Variants in IPO4 observed in about 807,000 individuals in gnomAD.
IPO4 encodes the protein importin-4.
IPO4 carries 91 observed loss-of-function variants against 133.5 expected under a neutral mutation model. The ratio of observed to expected loss-of-function variants is 0.68; its 90% confidence interval spans 0.58 to 0.81. The LOEUF (loss-of-function observed/expected upper bound fraction) is 0.81, where lower values mean the gene tolerates loss of function less well. Among genes scored for constraint, IPO4 ranks in the 30% least tolerant of loss-of-function variants. IPO4 has a pLI of 0.00. For missense variants in IPO4, 1,279 were observed against 1,386.2 expected (o/e 0.92, Z 1.23); for synonymous variants, 607 against 581.6 (o/e 1.04, Z -0.63).
intron 9 of IPO4, 89 bp from the exon 10 acceptor site, chr14:24,186,540 G>A (rs752586068): frequency 1.4e-6 from 2 of 1,474,162 alleles, no homozygotes; most frequent in Non-Finnish European, 1.8e-6. Flanking sequence ...GCCATAAGGG[G>A]TCTGACAGAA....
intron 4 of IPO4, 133 bp downstream of exon 4, chr14:24,188,083 C>T (rs900496102): frequency 1.9e-5 from 19 of 982,190 alleles, no homozygotes; most frequent in Non-Finnish European, 2.6e-5. Context: ...TTCAAAACAG[C>T]CTTAAAATCC....
rs763654824 is a variant in IPO4, at chr14:24,186,797, C to T, written c.757-6G>A. 1.2e-6 allele frequency: 2 copies of T among 1,613,688 alleles called. No individual in the cohort carries two copies. Among genetic ancestry groups the T allele is most frequent in the Non-Finnish European group, 8.5e-7 (1 of 1,179,600 alleles). ...AGGGCCACATTTCTAGCTACCTGTC[C>T]ACAGAATAATAAAAATCAGCGACAG... On this transcript the variant is annotated splice_polypyrimidine_tract_variant and splice_region_variant and intron_variant, in intron 8 of 29. Transcript: ENST00000354464.
Position 24,180,408 on chromosome 14 carries a change from C to T in IPO4, c.*34G>A. On this transcript the variant is annotated 3_prime_UTR_variant, in exon 30 of 30. Coordinates refer to ENST00000354464, the MANE Select transcript of IPO4 (RefSeq NM_024658.4). ...GAGGTGGTCTTAAGGCCTGGGCAGG[C>T]TCTATTCTCTCTGGACTGGCTGCAG... 1 of 1,594,118 alleles carries T rather than the reference C, an allele frequency of 6.3e-7. No homozygotes were observed. Among genetic ancestry groups the T allele is most frequent in the Non-Finnish European group, 8.6e-7 (1 of 1,166,432 alleles).
At chr14:24,183,972 G>GCC in intron 18 of IPO4, 26 bp downstream of exon 18, 1 of 1,573,306 alleles carries the variant, frequency 6.4e-7, no homozygotes, top group Non-Finnish European at 8.6e-7. Context: ...GGCAGGCCTG[G>GCC]CCCAGCCCAC....
At position 24,181,496 on chromosome 14, in the gene IPO4, G is replaced by A. The variant is rs2039135644; in HGVS notation, c.3045+17C>T. 1.3e-6 allele frequency: 2 copies of A among 1,549,476 alleles called. No individual in the cohort carries two copies. Among genetic ancestry groups the A allele is most frequent in the African/African-American group, 1.4e-5 (1 of 73,084 alleles). ...AGCGGCACGTTCCCCTCTGAGGGCT[G>A]CCAGCAGCAAGGTTACCTGGTCAGG... On this transcript the variant is annotated intron_variant, in intron 28 of 29. Coordinates refer to ENST00000354464, the MANE Select transcript of IPO4 (RefSeq NM_024658.4).
At position 24,186,963 on chromosome 14, in the gene IPO4, G is replaced by A. The variant is rs758287851; in HGVS notation, c.671C>T (p.Ala224Val). Residue 224 changes from alanine (A) to valine (V), a missense_variant, in exon 8 of 30, where the codon GCC (alanine) becomes GTC (valine). Around this residue, in one of 3 missense-constraint regions of IPO4, gnomAD observed 695 missense variants for 704.1 expected, o/e 0.99. Coordinates refer to ENST00000354464, the MANE Select transcript of IPO4 (RefSeq NM_024658.4). ...CAACAGTTCATCCAAAGCCTCAAGG[G>A]CCTCACAGGCCTTTGCCTGACAGAC... is the stretch of plus-strand genomic sequence containing the variant. ...IPIDEAKACE[A>V]LEALDELLES... 6.2e-7 allele frequency: 1 copy of A among 1,614,088 alleles called. No homozygotes were observed. Among genetic ancestry groups the A allele is most frequent in the Non-Finnish European group, 8.5e-7 (1 of 1,179,986 alleles).
At position 24,185,470 on chromosome 14, in the gene IPO4, C is replaced by G; in HGVS notation, c.1267G>C (p.Glu423Gln). 6.2e-7 allele frequency: 1 copy of G among 1,614,200 alleles called. No homozygotes were observed. Among genetic ancestry groups the G allele is most frequent in the Non-Finnish European group, 8.5e-7 (1 of 1,180,020 alleles). Residue 423 changes from glutamate to glutamine, a missense_variant, in exon 13 of 30, where the codon GAA becomes CAA. By Grantham distance (29) the Glu-to-Gln change is conservative (BLOSUM62 2). Coordinates refer to ENST00000354464, the MANE Select transcript of IPO4 (RefSeq NM_024658.4). ...AALFALGQFS[E>Q]NLQPHISSYS... The stretch of plus-strand genomic sequence containing the variant: ...TCAGCCTGGTTCACCTGTAGGTTTT[C>G]TGAGAACTGGCCCAGGGCAAACAGC...
In IPO4 at chr14:24,182,023, G is replaced by A. The variant is rs370552321; in HGVS notation, c.2739C>T (p.Pro913=). The A allele has an allele frequency of 1.7e-4, 269 of 1,613,400 alleles. No homozygotes were observed. The Middle Eastern group carries it at 2.6e-3, about 16-fold the overall frequency. ...VLLSTAQEAD[P]EVRSNAIFGM... is the part of the protein sequence containing the mutation. ...CGAAGATGGCATTGCTTCGCACCTC[G>A]GGGTCTGCCTCTTGGGCGGTGCTCA... is the stretch of plus-strand genomic sequence containing the variant. Residue 913 remains proline, a synonymous_variant, in exon 26 of 30, where the codon CCC becomes CCT. Transcript: ENST00000354464.
chr14:24,188,193 G>C (rs777175617), intron 4 of IPO4, 23 bp downstream of exon 4: 1 of 1,610,244 alleles, frequency 6.2e-7, no homozygotes, highest in South Asian at 1.1e-5. Context: ...TCAAGATCCC[G>C]AGAGAAGTGG....
At chr14:24,185,995 T>C (rs777342441) in intron 11 of IPO4, 25 bp from the exon 12 acceptor site, 3 of 1,607,826 alleles carry the variant, frequency 1.9e-6, no homozygotes, top group African/African-American at 1.3e-5. Flanking sequence ...GGCACGCTTC[T>C]GAAACCCCAG....
At position 24,184,714 on chromosome 14, in the gene IPO4, C is replaced by A. The variant is rs749485345; in HGVS notation, c.1572G>T (p.Glu524Asp). 1.1e-5 allele frequency: 17 copies of A among 1,613,160 alleles called. No individual in the cohort carries two copies. The African/African-American group carries it at 2.0e-4, about 19-fold the overall frequency. Residue 524 changes from glutamate (E) to aspartate (D), a missense_variant, in exon 16 of 30, where the codon GAG becomes GAT. Physicochemically the swap from Glu to Asp is conservative, Grantham distance 45 (BLOSUM62 2). Transcript: ENST00000354464. ...CTGTTAACAGGAATTCCCGCAGGTG[C>A]TCCATGATGGCAGGGAAGTAGGGCA... ...SLLPYFPAIM[E>D]HLREFLLTGR...
Position 24,185,488 on chromosome 14 carries a change from C to A in IPO4, c.1249G>T (p.Ala417Ser), listed in dbSNP as rs1370883189. The A allele has an allele frequency of 6.2e-7, 1 of 1,614,094 alleles. No homozygotes were observed. The highest frequency in any genetic ancestry group is 2.2e-5 in the East Asian group (1 of 44,900). ...AGGTTTTCTGAGAACTGGCCCAGGGCAAACAGCGCAGCATTGCGTACAACT... is the reference window on the plus strand; with the variant it reads ...AGGTTTTCTGAGAACTGGCCCAGGGAAAACAGCGCAGCATTGCGTACAACT... ...SQVVRNAALF[A>S]LGQFSENLQP... Residue 417 changes from alanine to serine, a missense_variant, in exon 13 of 30, where the codon GCC (alanine) becomes TCC (serine). Coordinates refer to ENST00000354464, the MANE Select transcript of IPO4 (RefSeq NM_024658.4).
Position 24,184,919 on chromosome 14 carries a change from G to T in IPO4, c.1470C>A (p.Asn490Lys). The T allele has an allele frequency of 6.2e-7, 1 of 1,614,144 alleles. No homozygotes were observed. Residue 490 changes from asparagine (N) to lysine (K), a missense_variant, in exon 15 of 30, where the codon AAC becomes AAA. Around this residue, in one of 3 missense-constraint regions of IPO4, gnomAD observed 695 missense variants for 704.1 expected, o/e 0.99. Transcript: ENST00000354464. ...LMECMLQLLR[N>K]PSSPRAKELA... Reference sequence around the variant, plus strand: ...GCTCCTTGGCCCGGGGACTGCTGGGGTTCCTCAGAAGCTGCAGCATGCATT... The same window carrying T: ...GCTCCTTGGCCCGGGGACTGCTGGGTTTCCTCAGAAGCTGCAGCATGCATT...
Position 24,185,230 on chromosome 14 carries a change from T to C in IPO4, c.1361A>G (p.His454Arg). The C allele has an allele frequency of 6.2e-7, 1 of 1,614,036 alleles. No individual in the cohort carries two copies. Among genetic ancestry groups the C allele is most frequent in the Non-Finnish European group, 8.5e-7 (1 of 1,179,998 alleles). ...LKSVPLGHTH[H>R]LAKACYALEN... is the part of the protein sequence containing the mutation. The stretch of plus-strand genomic sequence containing the variant: ...CAGGGCATAGCAGGCCTTGGCTAGG[T>C]GGTGTGTGTGTCCAAGAGGCACCGA... Residue 454 changes from histidine to arginine, a missense_variant, in exon 14 of 30, where the codon CAC becomes CGC. Physicochemically the swap from His to Arg is conservative, Grantham distance 29. This residue lies in a region of IPO4 where 695 missense variants were observed against 704.1 expected (regional missense o/e 0.99). Transcript: ENST00000354464.
In IPO4 at chr14:24,185,179, C is replaced by A; in HGVS notation, c.1408+4G>T. The stretch of plus-strand genomic sequence containing the variant: ...TTCCCCAAGCTCCCCACTGCCATCA[C>A]TACCTAGGTTCTCCACAAAATTCTC... On this transcript the variant is annotated splice_donor_region_variant and intron_variant, in intron 14 of 29. Coordinates refer to ENST00000354464, the MANE Select transcript of IPO4 (RefSeq NM_024658.4). 6.2e-7 allele frequency: 1 copy of A among 1,613,996 alleles called. No homozygotes were observed. The highest frequency in any genetic ancestry group is 8.5e-7 in the Non-Finnish European group (1 of 1,179,940).
At chr14:24,185,711 GTAAGCCA>G (rs2138816236) in intron 12 of IPO4, 143 bp downstream of exon 12, 1 of 917,002 alleles carries the variant, frequency 1.1e-6, no homozygotes, top group East Asian at 2.6e-5. Context: ...CCTATAGCTG[GTAAGCCA>G]TGTCATTTAT....
chr14:24,181,711 C>G lies in IPO4; in HGVS notation c.2940G>C (p.Gln980His). The G allele has an allele frequency of 1.9e-6, 3 of 1,603,768 alleles. No homozygotes were observed. The highest frequency in any genetic ancestry group is 2.6e-6 in the Non-Finnish European group (3 of 1,173,544). Residue 980 changes from glutamine to histidine, a missense_variant and splice_region_variant, in exon 27 of 30, where the codon CAG becomes CAC. Physicochemically the swap from Gln to His is conservative, Grantham distance 24. Transcript: ENST00000354464. The part of the protein sequence containing the change: ...MASPTRKPEP[Q>H]VLAALLHALP... Reference sequence around the variant, plus strand: ...CCTGCCTGATGTCTCCCTCCCTCACCTGGGGCTCTGGTTTCCTGGTGGGAC... The same window carrying G: ...CCTGCCTGATGTCTCCCTCCCTCACGTGGGGCTCTGGTTTCCTGGTGGGAC...
rs372061945 is a variant in IPO4, at chr14:24,180,692, G to C, written c.3112C>G (p.Pro1038Ala). ...TGCCTATGACTCCTACCCTCACCTG[G>C]TGGGATCTTGTTGTCAGCCAGAATG... ...SLILADNKIP[P>A]DTKAALLLLL... is the part of the protein sequence containing the mutation. Residue 1038 changes from proline (P) to alanine (A), a missense_variant, in exon 29 of 30, where the codon CCA (proline) becomes GCA (alanine). Around this residue, in one of 3 missense-constraint regions of IPO4, gnomAD observed 575 missense variants for 653.4 expected, o/e 0.88. Transcript: ENST00000354464. The C allele has an allele frequency of 1.2e-6, 2 of 1,614,192 alleles. No homozygotes were observed. Among genetic ancestry groups the C allele is most frequent in the Non-Finnish European group, 1.7e-6 (2 of 1,180,024 alleles).
Position 24,186,388 on chromosome 14 carries a change from C to A in IPO4, c.904G>T (p.Glu302Ter). The A allele has an allele frequency of 6.2e-7, 1 of 1,612,644 alleles. No individual in the cohort carries two copies. The highest frequency in any genetic ancestry group is 8.5e-7 in the Non-Finnish European group (1 of 1,179,190). Residue 302 changes from glutamate (E) to a stop codon, truncating the protein, a stop_gained, in exon 10 of 30, where the codon GAG becomes TAG. Coordinates refer to ENST00000354464, the MANE Select transcript of IPO4 (RefSeq NM_024658.4). LOFTEE classifies it high-confidence loss of function. ...GGATCCAACTGGCCTGGTGGGGGCTCAGCAGCCACAATGGGGAAAAGGGTG... is the reference window on the plus strand; with the variant it reads ...GGATCCAACTGGCCTGGTGGGGGCTAAGCAGCCACAATGGGGAAAAGGGTG... The part of the protein sequence containing the change: ...LHTLFPIVAA[E>*]PPPGQLDPED...
Sources: gnomAD v4.1 joint callset for allele counts on GRCh38, gnomAD v4.1.1 for gene constraint, gnomAD v4.1.1 regional missense constraint, MANE v1.5 for transcripts, NCBI Gene and HGNC (gene_info 2026-07-23, HGNC 2026-07-21) for gene names.